The following KCNMB2 variants were observed in gnomAD, a reference collection of about 807,000 sequenced individuals.
KCNMB2 encodes the protein potassium calcium-activated channel subfamily M regulatory beta subunit 2.
In KCNMB2, 9 loss-of-function variants were observed where a neutral mutation model predicts 24.5. The observed-to-expected ratio is 0.37, with a 90% confidence interval of 0.22 to 0.64. KCNMB2 has a LOEUF of 0.64. Among genes scored for constraint, KCNMB2 ranks in the 30% least tolerant of loss-of-function variants. The pLI, the probability that KCNMB2 is intolerant of heterozygous loss-of-function variation, is 0.63. For missense variants in KCNMB2, 226 were observed against 284.3 expected (o/e 0.79, Z 1.47); for synonymous variants, 109 against 104.4 (o/e 1.04, Z -0.27).
At chr3:178,802,290 C>T (rs551345798) in intron 1 of KCNMB2, among the ~76,000 whole-genome samples, 1 of 152,258 alleles carries the variant, frequency 6.6e-6, no homozygotes, top group African/African-American at 2.4e-5. Context: ...CAAGGTTAGG[C>T]ATATAAGTAT....
chr3:178,586,743 C>T (rs1258122612), intron 1 of KCNMB2, among the ~76,000 whole-genome samples: 1 of 151,776 alleles, frequency 6.6e-6, no homozygotes, highest in Non-Finnish European at 1.5e-5. Context: ...CAGGGTTTCA[C>T]CGTGTTGGTC....
At chr3:178,811,551 C>A (rs1577206608) in intron 2 of KCNMB2, among the ~76,000 whole-genome samples, 1 of 152,298 alleles carries the variant, frequency 6.6e-6, no homozygotes, top group Admixed American at 6.5e-5. Flanking sequence ...CGCTGCAGTT[C>A]ATTTTATCTG....
intron 1 of KCNMB2, among the ~76,000 whole-genome samples, chr3:178,742,460 A>C (rs1240056158): frequency 5.9e-5 from 9 of 152,200 alleles, no homozygotes; most frequent in Non-Finnish European, 1.0e-4. Flanking sequence ...CCCCTAATAC[A>C]TCACTATACA....
At chr3:178,813,653 A>G (rs746863529) in intron 2 of KCNMB2, among the ~76,000 whole-genome samples, 2 of 152,204 alleles carry the variant, frequency 1.3e-5, no homozygotes, top group Non-Finnish European at 2.9e-5. Flanking sequence ...ATAATATTGT[A>G]GAGCAAATCA....
chr3:178,703,515 C>T (rs544327429), intron 1 of KCNMB2, among the ~76,000 whole-genome samples: 1 of 133,642 alleles, frequency 7.5e-6, no homozygotes, highest in Non-Finnish European at 1.6e-5. Context: ...ACCCACCCCC[C>T]CAAAAAAAGT....
rs1019952693 is a variant in KCNMB2, at chr3:178,778,505, T to C, written c.-67-28838T>C. ...ACACACACACACACACACACACACC[T>C]GTTCCAGGCTCACTCCCTGCATCAT... On this transcript the variant is annotated intron_variant, in intron 1 of 4. Transcript: ENST00000452583. 3.2e-4 allele frequency among the ~76,000 whole-genome samples: 37 copies of C among 114,070 alleles called. 1 individual carries two copies. The highest frequency in any genetic ancestry group is 1.1e-3 in the African/African-American group (37 of 34,356). 74.8% of individuals were successfully genotyped at this position (114,070 alleles called of 152,430 possible).
chr3:178,775,109 G>A (rs2108425358), intron 1 of KCNMB2, among the ~76,000 whole-genome samples: 1 of 152,268 alleles, frequency 6.6e-6, no homozygotes, highest in Admixed American at 6.5e-5. Flanking sequence ...ACATATTGTA[G>A]CATCTTGACT....
At chr3:178,582,506 T>C (rs1357092222) in intron 1 of KCNMB2, among the ~76,000 whole-genome samples, 1 of 152,000 alleles carries the variant, frequency 6.6e-6, no homozygotes, top group African/African-American at 2.4e-5. Context: ...ACTTAGAGTA[T>C]AGAAAAATAG....
intron 1 of KCNMB2, among the ~76,000 whole-genome samples, chr3:178,711,021 C>G (rs1400456481): frequency 2.0e-5 from 3 of 152,162 alleles, no homozygotes; most frequent in African/African-American, 7.2e-5. Context: ...TAACTGAGTG[C>G]TTGCTCTGTT....
At chr3:178,649,060 G>T (rs79975467) in intron 1 of KCNMB2, among the ~76,000 whole-genome samples, 11,042 of 152,132 alleles carry the variant, frequency 0.073, 483 homozygotes, top group Non-Finnish European at 0.099. Context: ...TAGGTTTCCT[G>T]CCATTTCTTA....
At chr3:178,634,893 G>T (rs1240158660) in intron 1 of KCNMB2, among the ~76,000 whole-genome samples, 1 of 152,158 alleles carries the variant, frequency 6.6e-6, no homozygotes, top group East Asian at 1.9e-4. Flanking sequence ...GAAGGTCTTG[G>T]TCATGCCAGG....
Position 178,840,932 on chromosome 3 carries a change from G to T in KCNMB2, c.424-1721G>T, listed in dbSNP as rs116027220. On this transcript the variant is annotated intron_variant, in intron 4 of 4. Transcript: ENST00000452583. Reference sequence around the variant, plus strand: ...AAGCTTGAATTTCTCCCCAGAAAATGGGTTTTTCTTTTCTACCAACATGGT... The same window carrying T: ...AAGCTTGAATTTCTCCCCAGAAAATTGGTTTTTCTTTTCTACCAACATGGT... 4.3e-3 allele frequency among the ~76,000 whole-genome samples: 660 copies of T among 152,314 alleles called. 1 individual carries two copies. Among genetic ancestry groups the T allele is most frequent in the African/African-American group, 0.015 (632 of 41,570 alleles).
At chr3:178,676,418 G>A (rs1056892134) in intron 1 of KCNMB2, among the ~76,000 whole-genome samples, 1 of 152,142 alleles carries the variant, frequency 6.6e-6, no homozygotes, top group Non-Finnish European at 1.5e-5. Flanking sequence ...GGACTGTCAG[G>A]AGGGACCTTC....
At chr3:178,573,746 CAAAAAA>C (rs11348394) in intron 1 of KCNMB2, among the ~76,000 whole-genome samples, 3 of 78,986 alleles carry the variant, frequency 3.8e-5, no homozygotes, top group Non-Finnish European at 4.6e-5. Context: ...GACCCTGTCT[CAAAAAA>C]AAAAAAAAAA....
intron 1 of KCNMB2, among the ~76,000 whole-genome samples, chr3:178,688,223 G>A (rs975349691): frequency 2.6e-5 from 4 of 152,030 alleles, no homozygotes; most frequent in Admixed American, 1.3e-4. Flanking sequence ...TAATAATTGA[G>A]GTTTAATGTT....
At chr3:178,828,444 C>A in intron 4 of KCNMB2, 71 bp downstream of exon 4, 3 of 1,163,858 alleles carry the variant, frequency 2.6e-6, no homozygotes, top group South Asian at 1.6e-5. Context: ...CTCTGAAGTT[C>A]CCCTTTGCCA....
intron 1 of KCNMB2, among the ~76,000 whole-genome samples, chr3:178,785,934 T>G (rs532471589): frequency 5.4e-4 from 82 of 152,248 alleles, no homozygotes; most frequent in African/African-American, 1.9e-3. Context: ...AACAGTCTCA[T>G]TTTGGAGACA....
At chr3:178,681,014 T>C (rs575327886) in intron 1 of KCNMB2, among the ~76,000 whole-genome samples, 62 of 152,348 alleles carry the variant, frequency 4.1e-4, no homozygotes, top group African/African-American at 1.5e-3. Context: ...GTCAGAGCTC[T>C]GAGTTGCCTC....
intron 1 of KCNMB2, among the ~76,000 whole-genome samples, chr3:178,677,538 A>C (rs1721111662): frequency 6.6e-6 from 1 of 152,136 alleles, no homozygotes; most frequent in Non-Finnish European, 1.5e-5. Flanking sequence ...TGCTGCCCTC[A>C]GCTCATTTGT....
Sources: allele counts gnomAD v4.1 joint callset (sites outside exome capture counted in the v4.1 genomes callset), GRCh38; gene constraint gnomAD v4.1.1; transcripts MANE v1.5; gene names NCBI Gene and HGNC (gene_info 2026-07-23, HGNC 2026-07-21).